SCN1B: variants seen among roughly 807,000 people sequenced by gnomAD.
SCN1B encodes sodium voltage-gated channel beta subunit 1, also known as sodium channel regulatory subunit beta-1.
SCN1B carries 11 observed loss-of-function variants against 25.7 expected under a neutral mutation model. The ratio of observed to expected loss-of-function variants is 0.43; its 90% CI spans 0.27 to 0.71. The LOEUF (loss-of-function observed/expected upper bound fraction) is 0.71. SCN1B is among the 30% of genes least tolerant of loss of function. SCN1B has a pLI of 0.21. For synonymous variants in SCN1B, 119 were observed against 117.5 expected (o/e 1.01, Z -0.08); for missense variants, 224 against 291.5 (o/e 0.77, Z 1.69).
Position 35,033,632 on chromosome 19 carries a change from A to G in SCN1B, c.341A>G (p.Asn114Ser), listed in dbSNP as rs200599305. Residue 114 changes from asparagine (N) to serine (S), a missense_variant, in exon 3 of 6, where the codon AAC becomes AGC. Coordinates refer to ENST00000262631, the MANE Select transcript of SCN1B (RefSeq NM_001037.5). ...ATCTTCATCACCAATGTCACCTACA[A>G]CCACTCGGGCGACTACGAGTGCCAC... ...LSIFITNVTYNHSGDYECHVY... is the reference protein window; with the variant it reads ...LSIFITNVTYSHSGDYECHVY... The G allele has an allele frequency of 6.2e-7, 1 of 1,614,116 alleles. No individual in the cohort carries two copies. Among genetic ancestry groups the G allele is most frequent in the South Asian group, 1.1e-5 (1 of 91,076 alleles).
chr19:35,030,761 T>C lies in SCN1B; in HGVS notation c.-60T>C. The stretch of plus-strand genomic sequence containing the variant: ...CTAACCGCCGCCAGGTCCCGCCGCC[T>C]CTCGCCCCGCTATTAATACCGGCGG... On this transcript the variant is annotated 5_prime_UTR_variant, in exon 1 of 6. Transcript: ENST00000262631. 3.4e-6 allele frequency: 2 copies of C among 584,690 alleles called. No individual in the cohort carries two copies. The highest frequency in any genetic ancestry group is 5.2e-6 in the Non-Finnish European group (2 of 382,358). 36.2% of individuals were successfully genotyped at this position (584,690 alleles called of 1,614,324 possible). A position where few individuals can be genotyped will look rare whatever the true frequency, so the allele number is the denominator to read the frequency against.
At chr19:35,038,201 C>T (rs2064259951) in intron 3 of SCN1B, 1 of 152,176 alleles carries the variant, frequency 6.6e-6, no homozygotes, top group African/African-American at 2.4e-5. Context: ...AATGGGATCT[C>T]AGCCATCTAG....
At chr19:35,035,759 T>C (rs2064243938) in intron 3 of SCN1B, 1 of 152,362 alleles carries the variant, frequency 6.6e-6, no homozygotes, top group African/African-American at 2.4e-5. Context: ...ATATGTAGTA[T>C]TGCCTTTTAA....
chr19:35,039,775 C>A, intron 5 of SCN1B, 22 bp from the exon 6 acceptor site: 1 of 1,493,548 alleles, frequency 6.7e-7, no homozygotes, highest in Admixed American at 1.7e-5. Flanking sequence ...TCCCTAATTC[C>A]CCCTCTCTTG....
chr19:35,033,780 G>C, intron 3 of SCN1B, 41 bp downstream of exon 3: 1 of 1,613,762 alleles, frequency 6.2e-7, no homozygotes, highest in Non-Finnish European at 8.5e-7. Flanking sequence ...TCACCCACCG[G>C]AGAGCCAGAT....
intron 2 of SCN1B, 79 bp from the exon 3 acceptor site, chr19:35,033,420 G>A: frequency 2.5e-6 from 4 of 1,603,934 alleles, no homozygotes; most frequent in Non-Finnish European, 3.4e-6. Flanking sequence ...GTGGGTGTCA[G>A]GGCAGGGGAC....
chr19:35,039,992 C>T lies in SCN1B; in HGVS notation c.*201C>T. 1.9e-6 allele frequency: 1 copy of T among 527,146 alleles called. No individual in the cohort carries two copies. Among genetic ancestry groups the T allele is most frequent in the Non-Finnish European group, 3.4e-6 (1 of 290,396 alleles). 32.7% of individuals were successfully genotyped at this position (527,146 alleles called of 1,614,324 possible). A position where few individuals can be genotyped will look rare whatever the true frequency, so the allele number is the denominator to read the frequency against. ...CCTCCTCCAGCTCCTGCCCCGCCGG[C>T]CGCGCACCGCCATGCATGATGGGTA... is the stretch of plus-strand genomic sequence containing the variant. On this transcript the variant is annotated 3_prime_UTR_variant, in exon 6 of 6. Transcript: ENST00000262631.
rs576590004 is a variant in SCN1B, at chr19:35,032,977, A to G, written c.207+283A>G. 5.3e-5 allele frequency among the ~76,000 whole-genome samples: 8 copies of G among 152,340 alleles called. No individual in the cohort carries two copies. In the East Asian group the frequency reaches 1.5e-3, roughly 29 times the overall value. ...TTGACGCACCTGGCACACGGTTGGC[A>G]TGAAATAAATGTCAGTGGACTTATT... On this transcript the variant is annotated intron_variant, in intron 2 of 5. Transcript: ENST00000262631. The surrounding 1 kb of genome is among the most constrained non-coding windows in gnomAD (Gnocchi z 4.3).
At chr19:35,039,345 G>A in intron 4 of SCN1B, 87 bp downstream of exon 4, 1 of 1,582,486 alleles carries the variant, frequency 6.3e-7, no homozygotes, top group Non-Finnish European at 8.6e-7. Context: ...GCAGGGAGGA[G>A]GCAGCGGAGC....
intron 3 of SCN1B, chr19:35,036,875 C>T (rs2064251410): frequency 6.6e-6 from 1 of 152,074 alleles, no homozygotes; most frequent in African/African-American, 2.4e-5. Context: ...CTGCCTCAGC[C>T]TCCGAAGTAG....
In SCN1B at chr19:35,033,751, G is replaced by A; in HGVS notation, c.448+12G>A. ...GGTAGTGGACAAAGGTGAGTCGGGT[G>A]CTGCCTGCCCCTTTACCGTCACCCA... On this transcript the variant is annotated intron_variant, in intron 3 of 5. Coordinates refer to ENST00000262631, the MANE Select transcript of SCN1B (RefSeq NM_001037.5). The A allele has an allele frequency of 1.2e-6, 2 of 1,614,042 alleles. No individual in the cohort carries two copies. The highest frequency in any genetic ancestry group is 1.3e-5 in the African/African-American group (1 of 75,040).
rs2064269559 is a variant in SCN1B at position 35,039,354 on chromosome 19, G to A, written c.590+96G>A. 1.9e-6 allele frequency: 3 copies of A among 1,539,374 alleles called. No homozygotes were observed. The Admixed American group carries it at 5.1e-5, about 26-fold the overall frequency. ...GCCCGGGCAGGGAGGAGGCAGCGGA[G>A]CGGCCCAGGGCGCCATCTCTCAGTA... is the stretch of plus-strand genomic sequence containing the variant. On this transcript the variant is annotated intron_variant, in intron 4 of 5. Transcript: ENST00000262631.
At position 35,039,929 on chromosome 19, in the gene SCN1B, G is replaced by T; in HGVS notation, c.*138G>T. On this transcript the variant is annotated 3_prime_UTR_variant, in exon 6 of 6. Coordinates refer to ENST00000262631, the MANE Select transcript of SCN1B (RefSeq NM_001037.5). ...TCCTGCCGACGGAGCCACTGGGGTG[G>T]GAGGGGGCAGGGGGCTTGGCTCGCA... 1 of 596,308 alleles carries T rather than the reference G, an allele frequency of 1.7e-6. No homozygotes were observed. Among genetic ancestry groups the T allele is most frequent in the South Asian group, 2.0e-5 (1 of 50,788 alleles). 36.9% of individuals were successfully genotyped at this position (596,308 alleles called of 1,614,324 possible). A position where few individuals can be genotyped will look rare whatever the true frequency, so the allele number is the denominator to read the frequency against.
chr19:35,032,766 G>A lies in SCN1B; in HGVS notation c.207+72G>A. Reference sequence around the variant, plus strand: ...TGGGAGGCGGTGGGGCTGGATCTCAGGGAGGGGGCTTATTTGTTTAATAAT... The same window carrying A: ...TGGGAGGCGGTGGGGCTGGATCTCAAGGAGGGGGCTTATTTGTTTAATAAT... On this transcript the variant is annotated intron_variant, in intron 2 of 5. Coordinates refer to ENST00000262631, the MANE Select transcript of SCN1B (RefSeq NM_001037.5). The surrounding 1 kb of genome is among the most constrained non-coding windows in gnomAD (Gnocchi z 4.3). 6.5e-7 allele frequency: 1 copy of A among 1,527,366 alleles called. No individual in the cohort carries two copies. The highest frequency in any genetic ancestry group is 9.0e-7 in the Non-Finnish European group (1 of 1,109,180). The allele number at this position is 1,527,366 out of a possible 1,614,324, so 94.6% of individuals were successfully genotyped here.
At position 35,033,778 on chromosome 19, in the gene SCN1B, C is replaced by A. The variant is rs373443526; in HGVS notation, c.448+39C>A. The A allele has an allele frequency of 4.3e-6, 7 of 1,613,680 alleles. No individual in the cohort carries two copies. In the South Asian group the frequency reaches 7.7e-5, roughly 18 times the overall value. ...TGCCTGCCCCTTTACCGTCACCCAC[C>A]GGAGAGCCAGATGGAGGGACAGATG... On this transcript the variant is annotated intron_variant, in intron 3 of 5. Transcript: ENST00000262631.
At chr19:35,038,102 C>G (rs962353002) in intron 3 of SCN1B, 1 of 152,132 alleles carries the variant, frequency 6.6e-6, no homozygotes, top group Admixed American at 6.5e-5. Context: ...TACTCTGGCC[C>G]AGAAAGCACT....
Position 35,032,192 on chromosome 19 carries a change from G to A in SCN1B, c.41-336G>A, listed in dbSNP as rs535067217. 3.9e-4 allele frequency among the ~76,000 whole-genome samples: 60 copies of A among 152,344 alleles called. No homozygotes were observed. The highest frequency in any genetic ancestry group is 1.3e-3 in the African/African-American group (55 of 41,578). ...GGGTTCCTCCAGCAAGGGACTTTCT[G>A]AGGAAGGGGCACTCGGGTAGCATAA... On this transcript the variant is annotated intron_variant, in intron 1 of 5. Transcript: ENST00000262631. The surrounding 1 kb of genome is among the most constrained non-coding windows in gnomAD (Gnocchi z 4.3).
intron 3 of SCN1B, chr19:35,033,959 A>C: frequency 6.4e-7 from 1 of 1,552,940 alleles, no homozygotes; most frequent in South Asian, 1.2e-5. Flanking sequence ...CCTGTCCCCC[A>C]CAGACGCTCC....
chr19:35,039,920 A>G lies in SCN1B; in HGVS notation c.*129A>G. On this transcript the variant is annotated 3_prime_UTR_variant, in exon 6 of 6. Transcript: ENST00000262631. ...GCCTCAGAGTCCTGCCGACGGAGCCACTGGGGTGGGAGGGGGCAGGGGGCT... is the reference window on the plus strand; with the variant it reads ...GCCTCAGAGTCCTGCCGACGGAGCCGCTGGGGTGGGAGGGGGCAGGGGGCT... The G allele has an allele frequency of 1.7e-6, 1 of 594,330 alleles. No homozygotes were observed. The highest frequency in any genetic ancestry group is 3.0e-6 in the Non-Finnish European group (1 of 334,648). 36.8% of individuals were successfully genotyped at this position (594,330 alleles called of 1,614,324 possible). A position where few individuals can be genotyped will look rare whatever the true frequency, so the allele number is the denominator to read the frequency against.
Sources: allele counts gnomAD v4.1 joint callset (sites outside exome capture counted in the v4.1 genomes callset), GRCh38; gene constraint gnomAD v4.1.1; non-coding constraint Gnocchi (gnomAD v3.1); transcripts MANE v1.5; gene names NCBI Gene and HGNC (gene_info 2026-07-23, HGNC 2026-07-21).